The following GNA14 variants were observed in gnomAD, a reference collection of about 807,000 sequenced individuals.
GNA14 encodes the protein G protein subunit alpha 14.
GNA14 carries 50 observed loss-of-function variants against 42.0 expected under a neutral mutation model. The ratio of observed to expected loss-of-function variants is 1.19; its 90% CI spans 0.95 to 1.51. GNA14 has a LOEUF of 1.51. Ranked by LOEUF, GNA14 falls within the 40% of genes most tolerant of loss-of-function variation. The probability of loss-of-function intolerance (pLI) is 0.00; values close to 1 mark genes in which losing one functional copy is unlikely to be tolerated. For synonymous variants in GNA14, 173 were observed against 163.1 expected, an observed-to-expected ratio of 1.06 and a Z score of -0.46; for missense variants, 473 against 446.2, an observed-to-expected ratio of 1.06 and a Z score of -0.54.
At chr9:77,627,448 C>T (rs1824027771) in intron 1 of GNA14, among the ~76,000 whole-genome samples, 1 of 152,044 alleles carries the variant, frequency 6.6e-6, no homozygotes. Flanking sequence ...AATTTCAGGC[C>T]ACCTGAAATT....
At chr9:77,510,133 T>TC (rs1387065997) in intron 2 of GNA14, among the ~76,000 whole-genome samples, 4 of 152,080 alleles carry the variant, frequency 2.6e-5, no homozygotes, top group African/African-American at 7.2e-5. Flanking sequence ...GCCTTCCAAC[T>TC]CCCCCAGCTC....
chr9:77,641,814 G>A (rs1367078425), intron 1 of GNA14, among the ~76,000 whole-genome samples: 1 of 152,110 alleles, frequency 6.6e-6, no homozygotes, highest in Non-Finnish European at 1.5e-5. Flanking sequence ...AAAGTGAAAT[G>A]TACAGACCTT....
At chr9:77,623,391 T>C (rs1285336641) in intron 1 of GNA14, among the ~76,000 whole-genome samples, 1 of 152,100 alleles carries the variant, frequency 6.6e-6, no homozygotes, top group African/African-American at 2.4e-5. Flanking sequence ...CTCTTCCTAA[T>C]TGGGTTGAAT....
chr9:77,544,143 A>G (rs1399539764), intron 1 of GNA14, among the ~76,000 whole-genome samples: 1 of 152,198 alleles, frequency 6.6e-6, no homozygotes, highest in African/African-American at 2.4e-5. Context: ...TTGCTCCCAT[A>G]AAGAGTTACA....
chr9:77,571,553 T>C (rs1324180686), intron 1 of GNA14, among the ~76,000 whole-genome samples: 1 of 152,046 alleles, frequency 6.6e-6, no homozygotes, highest in African/African-American at 2.4e-5. Context: ...AAAAGGGAAG[T>C]GCTTTGGGAA....
intron 2 of GNA14, among the ~76,000 whole-genome samples, chr9:77,486,701 C>T (rs1056165473): frequency 1.3e-5 from 2 of 152,076 alleles, no homozygotes; most frequent in Non-Finnish European, 2.9e-5. Context: ...TACTGTGTTT[C>T]AGGTAATAGG....
intron 2 of GNA14, among the ~76,000 whole-genome samples, chr9:77,503,143 CTT>C (rs1837002037): frequency 6.6e-6 from 1 of 152,148 alleles, no homozygotes; most frequent in African/African-American, 2.4e-5. Context: ...TTTAGTTGTA[CTT>C]AGCAGAAGGA....
At chr9:77,526,616 G>C (rs948912524) in intron 2 of GNA14, 1 of 152,356 alleles carries the variant, frequency 6.6e-6, no homozygotes, top group Non-Finnish European at 1.5e-5. Flanking sequence ...ACAAGCCAAC[G>C]GACGGCAAGG....
intron 4 of GNA14, among the ~76,000 whole-genome samples, chr9:77,430,074 T>G (rs12003004): frequency 0.016 from 2,458 of 152,204 alleles, 63 homozygotes; most frequent in African/African-American, 0.056. Context: ...GTCCTGGAGG[T>G]GCAGCCACTC....
At chr9:77,637,471 AC>A (rs1240483848) in intron 1 of GNA14, among the ~76,000 whole-genome samples, 2 of 152,198 alleles carry the variant, frequency 1.3e-5, no homozygotes, top group African/African-American at 4.8e-5. Context: ...CACAATTCAA[AC>A]CACATATGGA....
chr9:77,640,268 C>T (rs1375130045), intron 1 of GNA14, among the ~76,000 whole-genome samples: 9 of 152,154 alleles, frequency 5.9e-5, no homozygotes, highest in African/African-American at 2.2e-4. Context: ...TGGTGACAGT[C>T]CTTCCGATAA....
chr9:77,441,681 A>C (rs1374641007), intron 2 of GNA14, among the ~76,000 whole-genome samples: 1 of 152,140 alleles, frequency 6.6e-6, no homozygotes, highest in Non-Finnish European at 1.5e-5. Flanking sequence ...GATATCTATA[A>C]GCTTTGTAAA....
intron 3 of GNA14, 107 bp from the exon 4 acceptor site, chr9:77,431,556 C>G: frequency 1.1e-6 from 1 of 934,704 alleles, no homozygotes; most frequent in Non-Finnish European, 1.6e-6. Flanking sequence ...CACACAGACA[C>G]ACGAATTCCA....
At chr9:77,645,104 A>C (rs967215676) in intron 1 of GNA14, among the ~76,000 whole-genome samples, 3 of 152,240 alleles carry the variant, frequency 2.0e-5, no homozygotes, top group Non-Finnish European at 4.4e-5. Context: ...GAAACAGGAT[A>C]CTGCACTTCA....
At chr9:77,526,297 G>A (rs910303957) in intron 2 of GNA14, among the ~76,000 whole-genome samples, 1 of 152,034 alleles carries the variant, frequency 6.6e-6, no homozygotes, top group Admixed American at 6.6e-5. Flanking sequence ...AGGGATGTCG[G>A]GATGGAGTAG....
chr9:77,519,058 C>A lies in GNA14; in HGVS notation c.309+10011G>T, dbSNP rs1490809581. Among the ~76,000 whole-genome samples, 3 of 152,260 alleles carry A rather than the reference C, an allele frequency of 2.0e-5. No homozygotes were observed. The East Asian group carries it at 5.8e-4, about 29-fold the overall frequency. On this transcript the variant is annotated intron_variant, in intron 2 of 6. Coordinates refer to ENST00000341700, the MANE Select transcript of GNA14 (RefSeq NM_004297.4). Reference sequence around the variant, plus strand: ...CAAAAAGAAGCATCAGTTATAAAAGCAAACTGTCTTAGCTTCTAATGAATA... The same window carrying A: ...CAAAAAGAAGCATCAGTTATAAAAGAAAACTGTCTTAGCTTCTAATGAATA...
chr9:77,565,022 T>C (rs1451854490), intron 1 of GNA14, among the ~76,000 whole-genome samples: 1 of 152,188 alleles, frequency 6.6e-6, no homozygotes, highest in Non-Finnish European at 1.5e-5. Flanking sequence ...AATTTTAACA[T>C]GTTTCCTACT....
At chr9:77,480,333 G>T (rs1447112877) in intron 2 of GNA14, among the ~76,000 whole-genome samples, 2 of 152,136 alleles carry the variant, frequency 1.3e-5, no homozygotes, top group African/African-American at 4.8e-5. Context: ...CTTTGGTTCT[G>T]TTTATATGCT....
rs375691367 is a variant in GNA14 at position 77,528,906 on chromosome 9, CG to C, written c.309+162del. Among the ~76,000 whole-genome samples, 797 of 152,218 alleles carry C rather than the reference CG, an allele frequency of 5.2e-3. 5 individuals are homozygous for C. The highest frequency in any genetic ancestry group is 0.018 in the African/African-American group (741 of 41,538). On this transcript the variant is annotated intron_variant, in intron 2 of 6. Transcript: ENST00000341700. The stretch of plus-strand genomic sequence containing the variant: ...GAGAGAAGTCCTGCAGAAAGAAGAC[CG>C]GGGGCTAACTAAATTCCTTAAACTC...
Sources: gnomAD v4.1 joint callset for allele counts (sites outside exome capture counted in the v4.1 genomes callset) on GRCh38, gnomAD v4.1.1 for gene constraint, MANE v1.5 for transcripts, NCBI Gene and HGNC (gene_info 2026-07-23, HGNC 2026-07-21) for gene names.